Variants in PCDH15 observed in about 807,000 individuals in gnomAD.
The protein encoded by PCDH15 is protocadherin-15.
In PCDH15, 129 loss-of-function variants were observed where a neutral mutation model predicts 178.5. The ratio of observed to expected loss-of-function variants is 0.72; its 90% CI spans 0.63 to 0.84. The LOEUF (loss-of-function observed/expected upper bound fraction) is 0.84. Among genes scored for constraint, PCDH15 ranks in the 40% least tolerant of loss-of-function variants. PCDH15 has a pLI of 0.00. For missense variants in PCDH15, 2,230 were observed against 2,099.9 expected (o/e 1.06, Z -1.21); for synonymous variants, 800 against 732.0 (o/e 1.09, Z -1.50).
At chr10:54,563,554 CAT>C (rs1322417674) in intron 2 of PCDH15, among the ~76,000 whole-genome samples, 5 of 152,082 alleles carry the variant, frequency 3.3e-5, no homozygotes, top group East Asian at 1.9e-4. Context: ...AAAAGAGTAA[CAT>C]ATTAACTGAA....
intron 3 of PCDH15, among the ~76,000 whole-genome samples, chr10:54,384,750 C>T (rs1949718523): frequency 1.3e-5 from 2 of 152,116 alleles, no homozygotes; most frequent in South Asian, 4.1e-4. Context: ...TTCAGTCTTC[C>T]TACGGTTATA....
At chr10:54,920,654 C>A (rs548701963) in intron 2 of PCDH15, among the ~76,000 whole-genome samples, 2 of 152,002 alleles carry the variant, frequency 1.3e-5, no homozygotes, top group Admixed American at 6.6e-5. Context: ...ATTGAACCCG[C>A]AGAATACACA....
chr10:55,417,748 T>G (rs1485963664), intron 2 of PCDH15, among the ~76,000 whole-genome samples: 1 of 150,988 alleles, frequency 6.6e-6, no homozygotes, highest in Non-Finnish European at 1.5e-5. Flanking sequence ...GAGGATATAT[T>G]CCAGCAAAAT....
In PCDH15 at chr10:54,833,926, T is replaced by C. The variant is rs1381059988; in HGVS notation, c.-29+63524A>G. 3.9e-5 allele frequency among the ~76,000 whole-genome samples: 6 copies of C among 152,250 alleles called. No individual in the cohort carries two copies. In the South Asian group the frequency reaches 1.0e-3, roughly 26 times the overall value. On this transcript the variant is annotated intron_variant, in intron 3 of 5. Transcript: ENST00000458638. ...GGAGTTAGGGGGAATTGACCAATTA[T>C]GAATGAGGACTAAAATATTTTAATA...
intron 20 of PCDH15, among the ~76,000 whole-genome samples, chr10:54,014,498 C>T (rs1489661141): frequency 6.6e-6 from 1 of 152,092 alleles, no homozygotes; most frequent in Non-Finnish European, 1.5e-5. Context: ...CTTTGATGAA[C>T]ACAGATCCAA....
At chr10:54,210,863 A>G (rs919364597) in intron 10 of PCDH15, among the ~76,000 whole-genome samples, 2 of 151,918 alleles carry the variant, frequency 1.3e-5, no homozygotes, top group African/African-American at 4.8e-5. Flanking sequence ...GAAACATGAA[A>G]CAATTATGCT....
At chr10:54,942,105 T>G (rs1451633165) in intron 2 of PCDH15, among the ~76,000 whole-genome samples, 1 of 152,044 alleles carries the variant, frequency 6.6e-6, no homozygotes. Context: ...AAGGCCAACG[T>G]TTATGGCTTA....
At chr10:54,064,904 G>A (rs962663787) in intron 18 of PCDH15, among the ~76,000 whole-genome samples, 2 of 152,160 alleles carry the variant, frequency 1.3e-5, no homozygotes, top group Admixed American at 6.5e-5. Context: ...CAGGATGGCA[G>A]GGCTCCCACC....
At chr10:55,201,090 C>T (rs548619591) in intron 1 of PCDH15, among the ~76,000 whole-genome samples, 8 of 152,158 alleles carry the variant, frequency 5.3e-5, no homozygotes, top group African/African-American at 1.9e-4. Context: ...AGCAACAACA[C>T]ATAACCTGAG....
intron 2 of PCDH15, among the ~76,000 whole-genome samples, chr10:55,155,414 A>G (rs963548976): frequency 1.3e-5 from 2 of 150,998 alleles, no homozygotes; most frequent in African/African-American, 4.9e-5. Context: ...AATGAACACT[A>G]AAGTTCCAGG....
In PCDH15 at chr10:53,938,879, A is replaced by G. The variant is rs769295133; in HGVS notation, c.3309T>C (p.Tyr1103=). The stretch of plus-strand genomic sequence containing the variant: ...GGGAATCAGCTTGGACTCGAAGTAC[A>G]TAGCTTGTCCTGGTCTCATAATCCA... ...GPLDYETRTS[Y]VLRVQADSLE... is the part of the protein sequence containing the mutation. The change falls in exon 25 of 38, where the codon TAT becomes TAC. Residue 1103 remains tyrosine (Y), a synonymous_variant. Transcript: ENST00000644397. 1 of 1,613,538 alleles carries G rather than the reference A, an allele frequency of 6.2e-7. No individual in the cohort carries two copies. The highest frequency in any genetic ancestry group is 1.3e-5 in the African/African-American group (1 of 74,914).
In PCDH15 at chr10:54,430,715, A is replaced by G. The variant is rs184742649; in HGVS notation, c.158-51773T>C. On this transcript the variant is annotated intron_variant, in intron 3 of 37. Coordinates refer to ENST00000644397, the MANE Select transcript of PCDH15 (RefSeq NM_001384140.1). ...TGCATCTTATAAACCTGGAAAAGCA[A>G]GAGCAAACCAAACGCAAAATTACTT... is the stretch of plus-strand genomic sequence containing the variant. Among the ~76,000 whole-genome samples the G allele has an allele frequency of 2.8e-4, 43 of 152,200 alleles. No individual in the cohort carries two copies. The East Asian group carries it at 6.4e-3, about 23-fold the overall frequency.
intron 8 of PCDH15, among the ~76,000 whole-genome samples, chr10:54,291,002 A>G (rs1178843865): frequency 6.6e-6 from 1 of 152,308 alleles, no homozygotes; most frequent in Non-Finnish European, 1.5e-5. Context: ...ACAGAAGGTT[A>G]ACAAGGATAT....
intron 35 of PCDH15, among the ~76,000 whole-genome samples, chr10:53,815,100 G>A (rs550466803): frequency 6.6e-6 from 1 of 152,194 alleles, no homozygotes; most frequent in South Asian, 2.1e-4. Context: ...CTTAGTTGAT[G>A]AATTCTAGAT....
chr10:55,024,350 T>C (rs907817506), intron 2 of PCDH15, among the ~76,000 whole-genome samples: 14 of 148,160 alleles, frequency 9.4e-5, no homozygotes, highest in Admixed American at 8.8e-4. Flanking sequence ...GGAAGAAATA[T>C]ATATGTATAT....
At chr10:55,379,402 T>C (rs11591936) in intron 2 of PCDH15, among the ~76,000 whole-genome samples, 30 of 152,110 alleles carry the variant, frequency 2.0e-4, no homozygotes, top group Non-Finnish European at 3.8e-4. Context: ...TGAATCAGTA[T>C]AAAAAATCAT....
chr10:53,893,499 G>A lies in PCDH15; in HGVS notation c.3501+9744C>T, dbSNP rs527575681. Among the ~76,000 whole-genome samples the A allele has an allele frequency of 1.1e-4, 17 of 152,238 alleles. No individual in the cohort carries two copies. The South Asian group carries it at 2.3e-3, about 20-fold the overall frequency. ...ATATGAAAAAGGTACTTGCACACAC[G>A]TTTATAGCAGCACAATTTGCAATTG... is the stretch of plus-strand genomic sequence containing the variant. On this transcript the variant is annotated intron_variant, in intron 26 of 37. Coordinates refer to ENST00000644397, the MANE Select transcript of PCDH15 (RefSeq NM_001384140.1).
At chr10:54,759,824 C>A (rs1947634867) in intron 1 of PCDH15, among the ~76,000 whole-genome samples, 1 of 152,154 alleles carries the variant, frequency 6.6e-6, no homozygotes, top group African/African-American at 2.4e-5. Context: ...GGGGGCTGAA[C>A]TTTTTGAGGT....
intron 18 of PCDH15, among the ~76,000 whole-genome samples, chr10:54,040,211 A>G (rs2093512472): frequency 6.6e-6 from 1 of 151,970 alleles, no homozygotes; most frequent in Admixed American, 6.6e-5. Flanking sequence ...TCTCACCCAA[A>G]TCTCATCTTG....
Sources: allele counts gnomAD v4.1 joint callset (sites outside exome capture counted in the v4.1 genomes callset), GRCh38; gene constraint gnomAD v4.1.1; transcripts MANE v1.5; gene names NCBI Gene and HGNC (gene_info 2026-07-23, HGNC 2026-07-21).